Variants in NSD2 observed in about 807,000 individuals in gnomAD.
NSD2 encodes histone-lysine N-methyltransferase NSD2.
In NSD2, 12 loss-of-function variants were observed where a neutral mutation model predicts 139.0. The ratio of observed to expected loss-of-function variants is 0.09; its 90% CI spans 0.06 to 0.14. NSD2 has a LOEUF of 0.14. NSD2 is among the 10% of genes least tolerant of loss of function. The pLI, the probability that NSD2 is intolerant of heterozygous loss-of-function variation, is 1.00. For synonymous variants in NSD2, 669 were observed against 648.7 expected, an observed-to-expected ratio of 1.03 and a Z score of -0.48; for missense variants, 1,155 against 1,745.0, an observed-to-expected ratio of 0.66 and a Z score of 6.02.
At chr4:1,952,067 G>A (rs752573258) in intron 10 of NSD2, 41 bp from the exon 11 acceptor site, 9 of 1,604,428 alleles carry the variant, frequency 5.6e-6, no homozygotes, top group Non-Finnish European at 6.8e-6. Context: ...GTGCAGAAGG[G>A]ACTGCCGGGC....
In NSD2 at chr4:1,972,677, GATGCATTTT is replaced by G. The variant is rs2109013242; in HGVS notation, c.3373-2183_3373-2175del. Among the ~76,000 whole-genome samples the G allele has an allele frequency of 6.6e-6, 1 of 152,384 alleles. No individual in the cohort carries two copies. The highest frequency in any genetic ancestry group is 2.4e-5 in the African/African-American group (1 of 41,584). ...GGATTGAACAGCTAGGAGTGGGGGAGATGCATTTTATAATCTGTGTGGTGGGAAAAGCTG... is the reference window on the plus strand; with the variant it reads ...GGATTGAACAGCTAGGAGTGGGGGAGATAATCTGTGTGGTGGGAAAAGCTG... On this transcript the variant is annotated intron_variant, in intron 18 of 21. Transcript: ENST00000508803. The surrounding 1 kb of genome is among the most constrained non-coding windows in gnomAD (Gnocchi z 4.0).
In NSD2 at chr4:1,918,415, G is replaced by A. The variant is rs748673417; in HGVS notation, c.1202G>A (p.Arg401Gln). The change falls in exon 5 of 22, where the codon CGG becomes CAG. Residue 401 changes from arginine (R) to glutamine (Q), a missense_variant. By Grantham distance (43) the Arg-to-Gln change is conservative (BLOSUM62 1). Around this residue, in one of 8 missense-constraint regions of NSD2, gnomAD observed 420 missense variants for 469.0 expected, o/e 0.90. Transcript: ENST00000508803. Reference protein sequence around the residue: ...REECIPMKRRRRAKLCSSAET... With the variant: ...REECIPMKRRQRAKLCSSAET... ...GAGTGCATTCCCATGAAGAGAAGGCGGAGGGCCAAACTGTGTAGCTCTGCA... is the reference window on the plus strand; with the variant it reads ...GAGTGCATTCCCATGAAGAGAAGGCAGAGGGCCAAACTGTGTAGCTCTGCA... The A allele has an allele frequency of 3.1e-6, 5 of 1,614,092 alleles. No individual in the cohort carries two copies. Among genetic ancestry groups the A allele is most frequent in the Non-Finnish European group, 4.2e-6 (5 of 1,180,028 alleles).
chr4:1,971,158 AGACCAGCCTGG>A (rs1329788969), intron 18 of NSD2, among the ~76,000 whole-genome samples: 1 of 152,188 alleles, frequency 6.6e-6, no homozygotes, highest in African/African-American at 2.4e-5. Context: ...CTGGAGTTCG[AGACCAGCCTGG>A]GCAACATAGG....
chr4:1,939,485 T>G (rs532089202), intron 8 of NSD2, 169 bp from the exon 9 acceptor site: 2 of 733,008 alleles, frequency 2.7e-6, no homozygotes, highest in East Asian at 5.4e-5. Context: ...ACAGTTTGTC[T>G]GCTTTTGTTT....
intron 5 of NSD2, among the ~76,000 whole-genome samples, chr4:1,920,880 T>A (rs1720028761): frequency 1.3e-5 from 2 of 151,186 alleles, no homozygotes; most frequent in African/African-American, 4.9e-5. Context: ...AAAAAAAAAT[T>A]TTTTTTAATT....
intron 18 of NSD2, among the ~76,000 whole-genome samples, chr4:1,962,631 C>A (rs1725483139): frequency 6.6e-6 from 1 of 152,102 alleles, no homozygotes; most frequent in Admixed American, 6.5e-5. Context: ...TAGTATTCTT[C>A]CATTTTTTTC....
chr4:1,899,749 G>T (rs895601356), intron 1 of NSD2, among the ~76,000 whole-genome samples: 1 of 152,210 alleles, frequency 6.6e-6, no homozygotes, highest in African/African-American at 2.4e-5. Flanking sequence ...ATGCTGCAGC[G>T]AGTTACCTTC....
At chr4:1,885,291 T>A (rs917454639) in intron 1 of NSD2, among the ~76,000 whole-genome samples, 1 of 152,104 alleles carries the variant, frequency 6.6e-6, no homozygotes, top group African/African-American at 2.4e-5. Flanking sequence ...ATTAAATCAG[T>A]AAAGGGCAGA....
chr4:1,949,651 C>T (rs1193280277), intron 9 of NSD2, among the ~76,000 whole-genome samples: 1 of 152,004 alleles, frequency 6.6e-6, no homozygotes, highest in Non-Finnish European at 1.5e-5. Context: ...TAATACCCAG[C>T]TACTCAGGAG....
At position 1,900,916 on chromosome 4, in the gene NSD2, A is replaced by C. The variant is rs1717075028; in HGVS notation, c.262A>C (p.Asn88His). ...KLKDLTSRVF[N>H]GEPGAHDAKL... Reference sequence around the variant, plus strand: ...GAAAGATCTTACTTCCCGGGTGTTTAATGGAGAACCCGGCGCACACGATGC... The same window carrying C: ...GAAAGATCTTACTTCCCGGGTGTTTCATGGAGAACCCGGCGCACACGATGC... The change falls in exon 2 of 22, where the codon AAT becomes CAT. Residue 88 changes from asparagine (N) to histidine (H), a missense_variant. This residue lies in a region of NSD2 where 246 missense variants were observed against 262.8 expected (regional missense o/e 0.94). Coordinates refer to ENST00000508803, the MANE Select transcript of NSD2 (RefSeq NM_001042424.3). 1 of 1,613,908 alleles carries C rather than the reference A, an allele frequency of 6.2e-7. No homozygotes were observed. The highest frequency in any genetic ancestry group is 1.7e-5 in the Admixed American group (1 of 59,960).
intron 1 of NSD2, among the ~76,000 whole-genome samples, chr4:1,888,410 C>CAA (rs61397233): frequency 1.1e-3 from 58 of 53,224 alleles, no homozygotes; most frequent in Admixed American, 3.1e-3. Context: ...GAGATTGCCT[C>CAA]AAAAAAAAAA....
At chr4:1,877,512 T>C (rs1262116940) in intron 1 of NSD2, among the ~76,000 whole-genome samples, 2 of 152,236 alleles carry the variant, frequency 1.3e-5, no homozygotes, top group African/African-American at 2.4e-5. Context: ...TTTGTTCCTT[T>C]CTTCTGCCCA....
rs564130337 is a variant in NSD2 at position 1,891,623 on chromosome 4, C to T, written c.-29-9003C>T. ...ATCCTAGCACTTTGGGAGGCTGAGG[C>T]GGGCAGTTCACGAGGTGAGGAGATC... On this transcript the variant is annotated intron_variant, in intron 1 of 21. Transcript: ENST00000508803. Among the ~76,000 whole-genome samples, 42 of 152,078 alleles carry T rather than the reference C, an allele frequency of 2.8e-4. 1 individual carries two copies. The South Asian group carries it at 7.7e-3, about 28-fold the overall frequency.
intron 6 of NSD2, among the ~76,000 whole-genome samples, chr4:1,934,209 C>T (rs1722029983): frequency 6.6e-6 from 1 of 151,888 alleles, no homozygotes; most frequent in Admixed American, 6.6e-5. Context: ...CCTCAGCCTC[C>T]TGTGTAGCTG....
At chr4:1,894,941 C>G (rs1489787919) in intron 1 of NSD2, among the ~76,000 whole-genome samples, 1 of 152,182 alleles carries the variant, frequency 6.6e-6, no homozygotes, top group Non-Finnish European at 1.5e-5. Flanking sequence ...CCCCATCCTC[C>G]TTTTTCTTCC....
At chr4:1,931,543 T>C (rs946566607) in intron 6 of NSD2, among the ~76,000 whole-genome samples, 2 of 152,100 alleles carry the variant, frequency 1.3e-5, no homozygotes, top group African/African-American at 4.8e-5. Context: ...AAGTACTGTA[T>C]ATCTGAAGAG....
chr4:1,883,208 T>A (rs1426343410), intron 1 of NSD2, among the ~76,000 whole-genome samples: 6 of 152,162 alleles, frequency 3.9e-5, no homozygotes, highest in Non-Finnish European at 8.8e-5. Context: ...GCATTTACAT[T>A]ACCTTCCATT....
chr4:1,940,226 C>T (rs1722949464), intron 9 of NSD2: 2 of 1,075,620 alleles, frequency 1.9e-6, no homozygotes, highest in Admixed American at 4.7e-5. Context: ...CAGACCTAGG[C>T]TCATGGAGGA....
chr4:1,889,989 A>G (rs965835516), intron 1 of NSD2, among the ~76,000 whole-genome samples: 4 of 151,916 alleles, frequency 2.6e-5, no homozygotes, highest in Admixed American at 6.6e-5. Context: ...GTCACTTCCT[A>G]TCCTCTCCTC....
Sources: allele counts gnomAD v4.1 joint callset (sites outside exome capture counted in the v4.1 genomes callset), GRCh38; gene constraint gnomAD v4.1.1; regional missense constraint gnomAD v4.1.1; non-coding constraint Gnocchi (gnomAD v3.1); transcripts MANE v1.5; gene names NCBI Gene and HGNC (gene_info 2026-07-23, HGNC 2026-07-21).